Variants in HVCN1 observed in about 807,000 individuals in gnomAD.
The protein encoded by HVCN1 is hydrogen voltage gated channel 1.
HVCN1 carries 14 observed loss-of-function variants against 29.2 expected under a neutral mutation model. That is an observed-to-expected ratio of 0.48 (90% confidence interval 0.32 to 0.75). The LOEUF is 0.75. Among genes scored for constraint, HVCN1 ranks in the 30% least tolerant of loss-of-function variants. The pLI is 0.04. For synonymous variants in HVCN1, 131 were observed against 133.2 expected (o/e 0.98, Z 0.11); for missense variants, 263 against 341.8 (o/e 0.77, Z 1.82).
At chr12:110,702,432 C>G (rs2069572897) in exon 2 of HVCN1, 1 of 152,050 alleles carries the variant, frequency 6.6e-6, no homozygotes, top group African/African-American at 2.4e-5. Context: ...AGGCAGCGTT[C>G]TCTTTGGAAA....
upstream of HVCN1, chr12:110,689,528 A>T (rs927458392): frequency 2.6e-5 from 4 of 152,980 alleles, no homozygotes; most frequent in African/African-American, 9.7e-5. This position sits in a 1 kb window ranked among gnomAD's most constrained non-coding sequence, Gnocchi z 5.7. Context: ...CTTCTGCTCC[A>T]TCCCACCGTC....
Position 110,649,097 on chromosome 12 carries a change from T to G in HVCN1, c.*313A>C, listed in dbSNP as rs1025173695. 1.6e-6 allele frequency: 1 copy of G among 621,898 alleles called. No homozygotes were observed. Among genetic ancestry groups the G allele is most frequent in the African/African-American group, 1.8e-5 (1 of 55,532 alleles). The allele number at this position is 621,898 out of a possible 1,614,324, so 38.5% of individuals were successfully genotyped here. ...ACACGTGAAATTTGAAAACTGTACA[T>G]TCGGTGAGATTAAATTTTATATACA... is the stretch of plus-strand genomic sequence containing the variant. On this transcript the variant is annotated 3_prime_UTR_variant, in exon 8 of 8. Coordinates refer to ENST00000242607, the MANE Select transcript of HVCN1 (RefSeq NM_032369.4).
Position 110,651,360 on chromosome 12 carries a change from T to A in HVCN1, c.500A>T (p.His167Leu). 1 of 1,612,556 alleles carries A rather than the reference T, an allele frequency of 6.2e-7. No homozygotes were observed. Among genetic ancestry groups the A allele is most frequent in the Non-Finnish European group, 8.5e-7 (1 of 1,179,590 alleles). The change falls in exon 6 of 8, where the codon CAC becomes CTC. Residue 167 changes from histidine (H) to leucine (L), a missense_variant. Around this residue, in one of 3 missense-constraint regions of HVCN1, gnomAD observed 55 missense variants for 109.4 expected, o/e 0.50. Coordinates refer to ENST00000242607, the MANE Select transcript of HVCN1 (RefSeq NM_032369.4). Reference protein sequence around the residue: ...KLFVFRLEFFHHKFEILDAVV... With the variant: ...KLFVFRLEFFLHKFEILDAVV... The stretch of plus-strand genomic sequence containing the variant: ...GGCATCCAGGATCTCAAACTTGTGG[T>A]GAAAGAACTCCAGGCGGAAGACAAA...
intron 3 of HVCN1, among the ~76,000 whole-genome samples, chr12:110,680,954 G>T (rs1277061992): frequency 6.6e-6 from 1 of 152,050 alleles, no homozygotes; most frequent in Non-Finnish European, 1.5e-5. Context: ...AAAAAAGGCA[G>T]CAGACAATTT....
chr12:110,654,433 T>C (rs1307797582), intron 5 of HVCN1, among the ~76,000 whole-genome samples: 1 of 151,606 alleles, frequency 6.6e-6, no homozygotes, highest in Non-Finnish European at 1.5e-5. Flanking sequence ...CATTTTGTTT[T>C]TCCAAAAAAG....
upstream of HVCN1, among the ~76,000 whole-genome samples, chr12:110,694,458 G>A (rs566872251): frequency 1.3e-5 from 2 of 152,378 alleles, no homozygotes; most frequent in Admixed American, 1.3e-4. This position sits in a 1 kb window ranked among gnomAD's most constrained non-coding sequence, Gnocchi z 4.6. Flanking sequence ...GCAGTGGCCA[G>A]CTCTGGCTTT....
intron 3 of HVCN1, among the ~76,000 whole-genome samples, chr12:110,672,913 T>C (rs1168733956): frequency 6.6e-6 from 1 of 152,164 alleles, no homozygotes; most frequent in Non-Finnish European, 1.5e-5. Context: ...TTAAACCTCT[T>C]TTTCTTCCCA....
rs746802313 is a variant in HVCN1, at chr12:110,649,365, G to A, written c.*45C>T. The A allele has an allele frequency of 9.3e-6, 14 of 1,501,178 alleles. No homozygotes were observed. In the South Asian group the frequency reaches 1.6e-4, roughly 17 times the overall value. 93.0% of individuals were successfully genotyped at this position (1,501,178 alleles called of 1,614,324 possible). A position where few individuals can be genotyped will look rare whatever the true frequency, so the allele number is the denominator to read the frequency against. ...CAGCTGTTCCTCTCGTGACAGCACA[G>A]GCCCATGAGACAGTGTCTTCTTTTT... On this transcript the variant is annotated 3_prime_UTR_variant, in exon 8 of 8. Transcript: ENST00000242607.
chr12:110,694,621 GAT>G (rs2069461849), upstream of HVCN1, among the ~76,000 whole-genome samples: 1 of 152,222 alleles, frequency 6.6e-6, no homozygotes, highest in South Asian at 2.1e-4. The surrounding 1 kb of genome is among the most constrained non-coding windows in gnomAD (Gnocchi z 4.6). Flanking sequence ...GAGAAAAGTA[GAT>G]GAGTTCTCAG....
At chr12:110,684,804 A>C (rs1276967554) in intron 2 of HVCN1, among the ~76,000 whole-genome samples, 1 of 152,138 alleles carries the variant, frequency 6.6e-6, no homozygotes, top group African/African-American at 2.4e-5. Flanking sequence ...ATTCTATGAC[A>C]AGTCAGTCTC....
Position 110,661,180 on chromosome 12 carries a change from C to G in HVCN1, c.290G>C (p.Ser97Thr). 1 of 1,607,604 alleles carries G rather than the reference C, an allele frequency of 6.2e-7. No homozygotes were observed. Among genetic ancestry groups the G allele is most frequent in the South Asian group, 1.1e-5 (1 of 90,392 alleles). Residue 97 changes from serine to threonine, a missense_variant, in exon 4 of 8, where the codon AGC becomes ACC. Transcript: ENST00000242607. The surrounding 1 kb of genome is among the most constrained non-coding windows in gnomAD (Gnocchi z 6.2). Reference sequence around the variant, plus strand: ...CCCACCTACCTGAAACCTGTGGGAGCTGAACAGTTTCCTCAACATGCCCCT... The same window carrying G: ...CCCACCTACCTGAAACCTGTGGGAGGTGAACAGTTTCCTCAACATGCCCCT... ...DFRGMLRKLF[S>T]SHRFQVIIIC...
chr12:110,681,961 C>G (rs907733946), intron 3 of HVCN1, among the ~76,000 whole-genome samples: 2 of 152,164 alleles, frequency 1.3e-5, no homozygotes, highest in African/African-American at 2.4e-5. Flanking sequence ...AGCATTTCCT[C>G]TGGAGTCAGG....
chr12:110,704,391 G>A (rs1421485758), intron 1 of HVCN1, among the ~76,000 whole-genome samples: 1 of 152,136 alleles, frequency 6.6e-6, no homozygotes, highest in African/African-American at 2.4e-5. Flanking sequence ...GCTCACGCCT[G>A]TAATCACAAC....
chr12:110,663,936 T>A (rs997445343), intron 3 of HVCN1, among the ~76,000 whole-genome samples: 1 of 152,138 alleles, frequency 6.6e-6, no homozygotes, highest in Non-Finnish European at 1.5e-5. Context: ...TTCTTTTTTT[T>A]AAAAAGAGGA....
chr12:110,667,953 C>T (rs2068428265), intron 3 of HVCN1, among the ~76,000 whole-genome samples: 1 of 152,150 alleles, frequency 6.6e-6, no homozygotes, highest in Admixed American at 6.6e-5. Flanking sequence ...TTCTGGTTTT[C>T]AGTCAAAAGT....
intron 4 of HVCN1, among the ~76,000 whole-genome samples, chr12:110,659,135 C>T (rs2068082610): frequency 6.6e-6 from 1 of 152,146 alleles, no homozygotes; most frequent in Non-Finnish European, 1.5e-5. Context: ...AGCTGGCTTG[C>T]TTTGCTGCTT....
Position 110,683,305 on chromosome 12 carries a change from C to T in HVCN1, c.-19-41G>A, listed in dbSNP as rs927510542. 3.8e-6 allele frequency: 6 copies of T among 1,574,092 alleles called. No homozygotes were observed. The African/African-American group carries it at 5.5e-5, about 14-fold the overall frequency. On this transcript the variant is annotated intron_variant, in intron 2 of 7. Transcript: ENST00000242607. The stretch of plus-strand genomic sequence containing the variant: ...ACATTTGTCCAGATCTATCATCTTG[C>T]TGCCATCTGCCTTGGTATGTGCTCT...
chr12:110,667,489 G>A (rs1291961091), intron 3 of HVCN1, among the ~76,000 whole-genome samples: 1 of 152,036 alleles, frequency 6.6e-6, no homozygotes, highest in Non-Finnish European at 1.5e-5. Flanking sequence ...GGACTGTAGT[G>A]TGCGATCACG....
intron 2 of HVCN1, among the ~76,000 whole-genome samples, chr12:110,697,641 C>T (rs889951132): frequency 6.7e-6 from 1 of 150,126 alleles, no homozygotes; most frequent in Non-Finnish European, 1.5e-5. Flanking sequence ...ACTCACAGCG[C>T]GAAGCATCTT....
Sources: allele counts gnomAD v4.1 joint callset (sites outside exome capture counted in the v4.1 genomes callset), GRCh38; gene constraint gnomAD v4.1.1; regional missense constraint gnomAD v4.1.1; non-coding constraint Gnocchi (gnomAD v3.1); transcripts MANE v1.5; gene names NCBI Gene and HGNC (gene_info 2026-07-23, HGNC 2026-07-21).